The following ARHGAP40 variants were observed in gnomAD, a reference collection of about 807,000 sequenced individuals.
ARHGAP40 encodes rho GTPase-activating protein 40.
Under a neutral mutation model 73.5 loss-of-function variants are expected in ARHGAP40, and 43 were observed. The observed-to-expected ratio is 0.58, with a 90% CI of 0.46 to 0.75. ARHGAP40 has a LOEUF of 0.75. Ranked by LOEUF, ARHGAP40 falls within the 30% of genes least tolerant of loss-of-function variation. The pLI, the probability that ARHGAP40 is intolerant of heterozygous loss-of-function variation, is 0.00. For synonymous variants in ARHGAP40, 300 were observed against 352.8 expected (o/e 0.85, Z 1.68); for missense variants, 734 against 861.8 (o/e 0.85, Z 1.86).
intron 2 of ARHGAP40, among the ~76,000 whole-genome samples, chr20:38,625,237 T>C (rs1209240457): frequency 1.6e-4 from 24 of 152,202 alleles, no homozygotes; most frequent in Admixed American, 1.6e-3. Context: ...CTCTCTGGAA[T>C]CATGATGTGG....
At chr20:38,601,856 A>G (rs901065277) in exon 1 of ARHGAP40, 15 of 1,267,314 alleles carry the variant, frequency 1.2e-5, no homozygotes, top group Admixed American at 9.4e-5. Flanking sequence ...CGGGGGCCCT[A>G]CCTCACTCCT....
At chr20:38,636,595 C>T (rs992461692) in intron 6 of ARHGAP40, among the ~76,000 whole-genome samples, 1 of 152,120 alleles carries the variant, frequency 6.6e-6, no homozygotes, top group Non-Finnish European at 1.5e-5. Flanking sequence ...CACTATTTTC[C>T]TCCTCGTGGA....
At chr20:38,632,410 C>T (rs28683729) in intron 5 of ARHGAP40, among the ~76,000 whole-genome samples, 31,240 of 145,660 alleles carry the variant, frequency 0.21, 3,950 homozygotes, top group Non-Finnish European at 0.31. Context: ...TACAGGCGCC[C>T]GCCACCATGC....
At position 38,610,628 on chromosome 20, in the gene ARHGAP40, C is replaced by T. The variant is rs114861448; in HGVS notation, c.137+8549C>T. On this transcript the variant is annotated intron_variant, in intron 1 of 14. Transcript: ENST00000373345. ...TGGAAAAGGCGGCATATCTTGAAGC[C>T]GGGGCTTACAGATTATACGTGGATT... Among the ~76,000 whole-genome samples, 413 of 152,252 alleles carry T rather than the reference C, an allele frequency of 2.7e-3. 3 individuals are homozygous for T. The highest frequency in any genetic ancestry group is 9.1e-3 in the African/African-American group (379 of 41,548).
chr20:38,627,108 G>T, exon 3 of ARHGAP40: 1 of 1,305,454 alleles, frequency 7.7e-7, no homozygotes, highest in Non-Finnish European at 1.0e-6. Context: ...ACAGACCCAG[G>T]TGGCCGCTGT....
chr20:38,622,132 T>C (rs2088877059), intron 1 of ARHGAP40, among the ~76,000 whole-genome samples: 1 of 152,032 alleles, frequency 6.6e-6, no homozygotes, highest in African/African-American at 2.4e-5. Context: ...AAAGGCAGCA[T>C]GTGGATGACT....
exon 4 of ARHGAP40, chr20:38,628,940 A>T (rs1484898349): frequency 4.6e-6 from 6 of 1,304,874 alleles, no homozygotes; most frequent in Non-Finnish European, 4.0e-6. Flanking sequence ...ATGTCGTCAG[A>T]GAATGGCGAC....
chr20:38,620,645 T>C (rs535596143), intron 1 of ARHGAP40, among the ~76,000 whole-genome samples: 100 of 152,364 alleles, frequency 6.6e-4, no homozygotes, highest in African/African-American at 2.3e-3. Flanking sequence ...GGCAGTTTTC[T>C]TGAAAAGCAT....
At chr20:38,636,362 A>T (rs1319446774) in intron 6 of ARHGAP40, among the ~76,000 whole-genome samples, 2 of 151,664 alleles carry the variant, frequency 1.3e-5, no homozygotes, top group African/African-American at 4.8e-5. Context: ...CCCCAGGCTC[A>T]GGTGACCCTC....
chr20:38,623,366 C>T (rs2088883145), exon 2 of ARHGAP40: 2 of 1,288,960 alleles, frequency 1.6e-6, no homozygotes, highest in South Asian at 2.5e-5. Flanking sequence ...CAGCTCTGGC[C>T]CCTCCTCAGG....
intron 1 of ARHGAP40, among the ~76,000 whole-genome samples, chr20:38,617,257 C>T (rs1170455977): frequency 6.6e-6 from 1 of 152,222 alleles, no homozygotes; most frequent in East Asian, 1.9e-4. Context: ...CTTTCGGCTT[C>T]CCTGAACAGG....
At chr20:38,613,371 C>G (rs757553238) in intron 1 of ARHGAP40, among the ~76,000 whole-genome samples, 3 of 152,174 alleles carry the variant, frequency 2.0e-5, no homozygotes, top group African/African-American at 7.2e-5. Context: ...CCACCCAACT[C>G]TTGAAACCTA....
At chr20:38,645,883 C>T (rs1012926784) in intron 11 of ARHGAP40, among the ~76,000 whole-genome samples, 164 bp from the exon 12 acceptor site, 1 of 151,392 alleles carries the variant, frequency 6.6e-6, no homozygotes, top group Non-Finnish European at 1.5e-5. Flanking sequence ...GCCCCCTCCT[C>T]ATTCCACCAA....
At chr20:38,616,935 C>CTTTATTTATTTATTTATTTA (rs3064344) in intron 1 of ARHGAP40, among the ~76,000 whole-genome samples, 50 of 149,980 alleles carry the variant, frequency 3.3e-4, no homozygotes, top group Middle Eastern at 6.9e-3. Context: ...GCTTGAGGAA[C>CTTTATTTATTTATTTATTTA]TTTATTTATT....
intron 3 of ARHGAP40, among the ~76,000 whole-genome samples, chr20:38,628,078 T>C (rs2088913791): frequency 6.6e-6 from 1 of 152,218 alleles, no homozygotes; most frequent in African/African-American, 2.4e-5. Flanking sequence ...GACCACCCTA[T>C]AGGCTGTGTG....
exon 2 of ARHGAP40, chr20:38,623,522 G>A: frequency 3.9e-6 from 5 of 1,290,656 alleles, no homozygotes; most frequent in Non-Finnish European, 5.1e-6. Context: ...GCTGAGGGAA[G>A]AGGACAGTGG....
rs75856193 is a variant in ARHGAP40 at position 38,608,348 on chromosome 20, A to G, written c.137+6269A>G. ...GAGTTTCAACACCACCTCCTCCAGG[A>G]AGCCTCTTCTCAGCCCACTCCCCCT... On this transcript the variant is annotated intron_variant, in intron 1 of 14. Transcript: ENST00000373345. Among the ~76,000 whole-genome samples the G allele has an allele frequency of 5.9e-3, 897 of 152,246 alleles. 7 individuals carry two copies. The highest frequency in any genetic ancestry group is 0.021 in the African/African-American group (869 of 41,548).
exon 9 of ARHGAP40, chr20:38,639,356 G>A: frequency 7.7e-7 from 1 of 1,305,560 alleles, no homozygotes; most frequent in East Asian, 5.5e-5. Context: ...GCTCACGGCT[G>A]AGTACCTCCC....
At chr20:38,609,394 A>T (rs934806544) in intron 1 of ARHGAP40, among the ~76,000 whole-genome samples, 23 of 152,196 alleles carry the variant, frequency 1.5e-4, no homozygotes, top group Non-Finnish European at 3.1e-4. Context: ...CTCCCAACTG[A>T]TGCTGATACT....
Sources: gnomAD v4.1 joint callset for allele counts (sites outside exome capture counted in the v4.1 genomes callset) on GRCh38, gnomAD v4.1.1 for gene constraint, MANE v1.5 for transcripts, NCBI Gene and HGNC (gene_info 2026-07-23, HGNC 2026-07-21) for gene names.